RHOJ: variants seen among roughly 807,000 people sequenced by gnomAD.
The protein encoded by RHOJ is ras homolog family member J.
Under a neutral mutation model 23.4 loss-of-function variants are expected in RHOJ, and 11 were observed. The observed-to-expected ratio is 0.47, with a 90% CI of 0.30 to 0.78. The LOEUF (loss-of-function observed/expected upper bound fraction) is 0.78, where lower values mean the gene tolerates loss of function less well. Ranked by LOEUF, RHOJ falls within the 30% of genes least tolerant of loss-of-function variation. RHOJ has a pLI of 0.08. For missense variants in RHOJ, 254 were observed against 273.4 expected (o/e 0.93, Z 0.50); for synonymous variants, 102 against 102.7 (o/e 0.99, Z 0.04).
In RHOJ at chr14:63,276,949, C is replaced by A. The variant is rs74582756; in HGVS notation, c.238-4022C>A. 5.6e-3 allele frequency among the ~76,000 whole-genome samples: 853 copies of A among 152,262 alleles called. 15 individuals carry two copies. Among genetic ancestry groups the A allele is most frequent in the African/African-American group, 0.019 (808 of 41,544 alleles). ...TTAAATATACAGTGTTGCTGCCATC[C>A]AGTGGTAATCTGAAGCAGATGCAGG... is the stretch of plus-strand genomic sequence containing the variant. On this transcript the variant is annotated intron_variant, in intron 2 of 4. Transcript: ENST00000316754.
intron 1 of RHOJ, among the ~76,000 whole-genome samples, chr14:63,208,912 C>T (rs1336556674): frequency 6.6e-6 from 1 of 152,120 alleles, no homozygotes; most frequent in East Asian, 1.9e-4. Context: ...TTTTTAACTT[C>T]CCCAAGCTAC....
chr14:63,281,655 GAGA>G (rs575899053), intron 3 of RHOJ, among the ~76,000 whole-genome samples: 83 of 152,272 alleles, frequency 5.5e-4, no homozygotes, highest in African/African-American at 1.9e-3. Context: ...CCAGATCTTA[GAGA>G]AGAAGTTAAA....
At chr14:63,254,715 C>T (rs868657085) in intron 1 of RHOJ, among the ~76,000 whole-genome samples, 3 of 152,188 alleles carry the variant, frequency 2.0e-5, no homozygotes, top group Middle Eastern at 6.8e-3. Context: ...AGAAGATAAA[C>T]ATGTGCAACT....
intron 1 of RHOJ, among the ~76,000 whole-genome samples, chr14:63,213,739 A>G (rs182171522): frequency 7.1e-4 from 108 of 152,300 alleles, no homozygotes; most frequent in Non-Finnish European, 1.2e-3. Flanking sequence ...GTTCTGTTCC[A>G]TGTAGTCATT....
chr14:63,246,996 T>C (rs1019057029), intron 1 of RHOJ, among the ~76,000 whole-genome samples: 1 of 152,194 alleles, frequency 6.6e-6, no homozygotes, highest in Non-Finnish European at 1.5e-5. Flanking sequence ...CCCACATTCT[T>C]ACCCAGCTCC....
chr14:63,238,021 T>G (rs1894819873), intron 1 of RHOJ, among the ~76,000 whole-genome samples: 1 of 152,178 alleles, frequency 6.6e-6, no homozygotes, highest in African/African-American at 2.4e-5. Flanking sequence ...ACACTCTAGA[T>G]TCACTCTAAT....
At chr14:63,253,542 T>C (rs547036868) in intron 1 of RHOJ, among the ~76,000 whole-genome samples, 1 of 152,184 alleles carries the variant, frequency 6.6e-6, no homozygotes, top group Non-Finnish European at 1.5e-5. Flanking sequence ...CTAGATAAAA[T>C]TTGAAATCAT....
At chr14:63,253,078 C>T (rs1300843783) in intron 1 of RHOJ, among the ~76,000 whole-genome samples, 1 of 152,156 alleles carries the variant, frequency 6.6e-6, no homozygotes, top group Non-Finnish European at 1.5e-5. Flanking sequence ...TATCACTTGC[C>T]TATTCTTTCT....
At position 63,226,758 on chromosome 14, in the gene RHOJ, G is replaced by A. The variant is rs117046194; in HGVS notation, c.178+21711G>A. Among the ~76,000 whole-genome samples the A allele has an allele frequency of 1.6e-3, 246 of 151,832 alleles. 5 individuals are homozygous for A. In the East Asian group the frequency reaches 0.037, roughly 23 times the overall value. On this transcript the variant is annotated intron_variant, in intron 1 of 4. Coordinates refer to ENST00000316754, the MANE Select transcript of RHOJ (RefSeq NM_020663.5). ...CTACACCTTGGAAAATTTTTGCTAG[G>A]ATAATTAAACTGGCACAGTCAATGC...
In RHOJ at chr14:63,254,170, A is replaced by T. The variant is rs572208484; in HGVS notation, c.179-14940A>T. Among the ~76,000 whole-genome samples, 8 of 152,264 alleles carry T rather than the reference A, an allele frequency of 5.3e-5. No homozygotes were observed. In the South Asian group the frequency reaches 1.7e-3, roughly 32 times the overall value. ...GCTGTCAGTGCTGGGAACTGGCCAA[A>T]CACTCCATCACTGTCTATCTTGGAG... On this transcript the variant is annotated intron_variant, in intron 1 of 4. Transcript: ENST00000316754.
At chr14:63,268,986 T>A in intron 1 of RHOJ, 124 bp from the exon 2 acceptor site, 3 of 676,980 alleles carry the variant, frequency 4.4e-6, no homozygotes, top group Non-Finnish European at 5.2e-6. Context: ...AGAATGTACA[T>A]GAGCGAGGCA....
chr14:63,266,982 AC>A (rs1226293583), intron 1 of RHOJ, among the ~76,000 whole-genome samples: 2 of 151,992 alleles, frequency 1.3e-5, no homozygotes, highest in Non-Finnish European at 2.9e-5. Flanking sequence ...CCCTCACACT[AC>A]CCCTGACACA....
chr14:63,259,964 C>T (rs1895245181), intron 1 of RHOJ, among the ~76,000 whole-genome samples: 1 of 151,992 alleles, frequency 6.6e-6, no homozygotes, highest in Non-Finnish European at 1.5e-5. Context: ...CAACCATGCA[C>T]CAAAGTAGAA....
intron 1 of RHOJ, among the ~76,000 whole-genome samples, chr14:63,252,199 A>C (rs184502687): frequency 4.5e-4 from 69 of 152,260 alleles, no homozygotes; most frequent in African/African-American, 1.2e-3. Flanking sequence ...TGCCTTTCCC[A>C]GTGTCTAGAG....
intron 1 of RHOJ, among the ~76,000 whole-genome samples, chr14:63,236,305 G>T (rs1894788384): frequency 6.6e-6 from 1 of 152,110 alleles, no homozygotes; most frequent in Non-Finnish European, 1.5e-5. Context: ...TTTTTTCAAG[G>T]TCTGTGTATT....
At chr14:63,272,890 G>A (rs1486216262) in intron 2 of RHOJ, among the ~76,000 whole-genome samples, 1 of 152,190 alleles carries the variant, frequency 6.6e-6, no homozygotes, top group African/African-American at 2.4e-5. Flanking sequence ...GAGCATGGTG[G>A]CGCGCACCTG....
intron 2 of RHOJ, among the ~76,000 whole-genome samples, chr14:63,277,187 T>C (rs1881744328): frequency 6.6e-6 from 1 of 152,238 alleles, no homozygotes; most frequent in Non-Finnish European, 1.5e-5. Flanking sequence ...CATTGGCCCA[T>C]CATGGAACTT....
At chr14:63,276,438 T>C (rs1050692495) in intron 2 of RHOJ, among the ~76,000 whole-genome samples, 2 of 152,216 alleles carry the variant, frequency 1.3e-5, no homozygotes, top group African/African-American at 4.8e-5. Context: ...ACTTAACCTG[T>C]CTTACTTCCA....
intron 1 of RHOJ, among the ~76,000 whole-genome samples, chr14:63,212,413 C>T (rs1894258007): frequency 6.6e-6 from 1 of 152,134 alleles, no homozygotes; most frequent in South Asian, 2.1e-4. Context: ...CTCTTTTCCC[C>T]AGAAGGACCA....
Sources: gnomAD v4.1 joint callset for allele counts (sites outside exome capture counted in the v4.1 genomes callset) on GRCh38, gnomAD v4.1.1 for gene constraint, MANE v1.5 for transcripts, NCBI Gene and HGNC (gene_info 2026-07-23, HGNC 2026-07-21) for gene names.